MTPAP: variants seen among roughly 807,000 people sequenced by gnomAD.
MTPAP encodes the protein poly(A) RNA polymerase, mitochondrial.
Under a neutral mutation model 48.7 loss-of-function variants are expected in MTPAP, and 23 were observed. That is an observed-to-expected ratio of 0.47 (90% confidence interval 0.34 to 0.67). MTPAP has a LOEUF of 0.67. MTPAP is among the 30% of genes least tolerant of loss of function. The pLI is 0.01. For missense variants in MTPAP, 614 were observed against 694.3 expected (o/e 0.88, Z 1.30); for synonymous variants, 257 against 254.1 (o/e 1.01, Z -0.11).
At chr10:30,343,007 A>G (rs999292413) in intron 1 of MTPAP, among the ~76,000 whole-genome samples, 4 of 152,204 alleles carry the variant, frequency 2.6e-5, no homozygotes, top group Non-Finnish European at 4.4e-5. Flanking sequence ...TTCAAGTTCT[A>G]AGAGAGTATT....
intron 4 of MTPAP, among the ~76,000 whole-genome samples, chr10:30,328,077 A>G (rs1834620571): frequency 6.6e-6 from 1 of 152,222 alleles, no homozygotes; most frequent in African/African-American, 2.4e-5. Flanking sequence ...AACAAAGCAA[A>G]TAACACACAT....
intron 5 of MTPAP, among the ~76,000 whole-genome samples, chr10:30,323,009 A>G (rs1004434190): frequency 2.6e-5 from 4 of 151,360 alleles, no homozygotes; most frequent in Non-Finnish European, 5.9e-5. Flanking sequence ...TGCCCCCGTA[A>G]TCCCAGCTAC....
chr10:30,329,818 G>T (rs1391646001), intron 4 of MTPAP, among the ~76,000 whole-genome samples: 3 of 152,070 alleles, frequency 2.0e-5, no homozygotes, highest in Non-Finnish European at 1.5e-5. Context: ...AAGAGGACTG[G>T]TTAAATAAAT....
In MTPAP at chr10:30,310,716, AT is replaced by A. The variant is rs1840581302; in HGVS notation, c.*2892del. ...GGAATTCAAGACCAGCCTGGCCAAC[AT>A]GGTGAAACCCCGTCTCTACTAACAT... On this transcript the variant is annotated 3_prime_UTR_variant, in exon 9 of 9. Coordinates refer to ENST00000263063, the MANE Select transcript of MTPAP (RefSeq NM_018109.4). The A allele has an allele frequency of 6.6e-6, 1 of 152,192 alleles. No homozygotes were observed. The highest frequency in any genetic ancestry group is 1.5e-5 in the Non-Finnish European group (1 of 68,120). The allele number at this position is 152,192 out of a possible 1,614,324, so 9.4% of individuals were successfully genotyped here.
At chr10:30,339,508 G>T (rs1588720528) in intron 3 of MTPAP, among the ~76,000 whole-genome samples, 1 of 148,234 alleles carries the variant, frequency 6.7e-6, no homozygotes. Flanking sequence ...AAGAGAGAGA[G>T]AATCAGAAAG....
At chr10:30,331,909 C>G (rs977781495) in intron 4 of MTPAP, among the ~76,000 whole-genome samples, 1 of 152,186 alleles carries the variant, frequency 6.6e-6, no homozygotes, top group Non-Finnish European at 1.5e-5. Flanking sequence ...ATTTTAGTCC[C>G]TATCGTGCAT....
intron 3 of MTPAP, among the ~76,000 whole-genome samples, chr10:30,338,519 C>T (rs772286459): frequency 2.0e-5 from 3 of 151,768 alleles, no homozygotes; most frequent in Non-Finnish European, 4.4e-5. Context: ...ACTAAAAATA[C>T]AAAAAATTAG....
intron 1 of MTPAP, among the ~76,000 whole-genome samples, chr10:30,347,269 C>T (rs1834884433): frequency 6.6e-6 from 1 of 152,200 alleles, no homozygotes; most frequent in Non-Finnish European, 1.5e-5. Flanking sequence ...CCATTAGAGG[C>T]TGACCAAAAA....
Position 30,313,863 on chromosome 10 carries a change from C to G in MTPAP, c.1495G>C (p.Val499Leu). The G allele has an allele frequency of 6.2e-7, 1 of 1,614,184 alleles. No individual in the cohort carries two copies. Among genetic ancestry groups the G allele is most frequent in the Non-Finnish European group, 8.5e-7 (1 of 1,180,024 alleles). ...NVSQSQLQKF[V>L]DLARESAWIL... ...CAGGCACTTTCTCGGGCCAAATCTA[C>G]AAATTTTTGCAGCTGGCTTTGACTT... The change falls in exon 9 of 9, where the codon GTA (valine) becomes CTA (leucine). Residue 499 changes from valine (V) to leucine (L), a missense_variant. Physicochemically the swap from Val to Leu is conservative, Grantham distance 32. Coordinates refer to ENST00000263063, the MANE Select transcript of MTPAP (RefSeq NM_018109.4).
Position 30,316,032 on chromosome 10 carries a change from T to C in MTPAP, c.1317A>G (p.Leu439=). 6.2e-7 allele frequency: 1 copy of C among 1,611,720 alleles called. No individual in the cohort carries two copies. Among genetic ancestry groups the C allele is most frequent in the South Asian group, 1.1e-5 (1 of 90,902 alleles). Residue 439 remains leucine, a synonymous_variant, in exon 8 of 9, where the codon TTA becomes TTG. Transcript: ENST00000263063. ...KPSQNTETLE[L]LLKEFFEYFG... is the part of the protein sequence containing the mutation. ...AATACTCAAAAAATTCCTTCAGTAG[T>C]AATTCTGTAAGAAAATAAAACAAGG... is the stretch of plus-strand genomic sequence containing the variant.
In MTPAP at chr10:30,313,706, A is replaced by G. The variant is rs903457852; in HGVS notation, c.1652T>C (p.Ile551Thr). 3 of 1,614,030 alleles carry G rather than the reference A, an allele frequency of 1.9e-6. No individual in the cohort carries two copies. The highest frequency in any genetic ancestry group is 2.7e-5 in the African/African-American group (2 of 74,900). The change falls in exon 9 of 9, where the codon ATT (isoleucine) becomes ACT (threonine). Residue 551 changes from isoleucine (I) to threonine (T), a missense_variant. By Grantham distance (89) the Ile-to-Thr change is moderately conservative. Around this residue, in one of 5 missense-constraint regions of MTPAP, gnomAD observed 109 missense variants for 100.5 expected, o/e 1.08. Coordinates refer to ENST00000263063, the MANE Select transcript of MTPAP (RefSeq NM_018109.4). ...TTCTAGCAAGTTTTTGACTGTTTCA[A>G]TTGCAAACTTATTGCTTTTCTTCTT... The part of the protein sequence containing the change: ...FTKKKSNKFA[I>T]ETVKNLLESL...
chr10:30,317,143 T>G (rs564451823), intron 6 of MTPAP, among the ~76,000 whole-genome samples: 13 of 152,190 alleles, frequency 8.5e-5, no homozygotes, highest in Non-Finnish European at 1.5e-4. Context: ...GAAATTAACA[T>G]TACATTTAAT....
chr10:30,323,451 CAAAAAA>C (rs755342499), intron 5 of MTPAP, among the ~76,000 whole-genome samples: 3 of 84,724 alleles, frequency 3.5e-5, no homozygotes, highest in Admixed American at 1.5e-4. Flanking sequence ...GACCCTGCCT[CAAAAAA>C]AAAAAAAAAA....
In MTPAP at chr10:30,313,546, T is replaced by C. The variant is rs1332047752; in HGVS notation, c.*63A>G. 2 of 1,603,550 alleles carry C rather than the reference T, an allele frequency of 1.2e-6. No homozygotes were observed. The highest frequency in any genetic ancestry group is 1.3e-5 in the African/African-American group (1 of 74,702). ...TCTGTGAAAGTTTCAAATCAGTTTTTCCAAGTAAGTCCACAGACCATTTGA... is the reference window on the plus strand; with the variant it reads ...TCTGTGAAAGTTTCAAATCAGTTTTCCCAAGTAAGTCCACAGACCATTTGA... On this transcript the variant is annotated 3_prime_UTR_variant, in exon 9 of 9. Transcript: ENST00000263063.
chr10:30,342,393 G>A lies in MTPAP; in HGVS notation c.158-753C>T, dbSNP rs997703674. 4.6e-5 allele frequency among the ~76,000 whole-genome samples: 7 copies of A among 152,246 alleles called. No homozygotes were observed. The East Asian group carries it at 9.6e-4, about 21-fold the overall frequency. On this transcript the variant is annotated intron_variant, in intron 1 of 8. Coordinates refer to ENST00000263063, the MANE Select transcript of MTPAP (RefSeq NM_018109.4). ...GGACCACAGTTGACTGTGAGGAACC[G>A]AAACTGTGGACAGTGAAAACATGGA... is the stretch of plus-strand genomic sequence containing the variant.
chr10:30,338,975 T>C (rs1474778393), intron 3 of MTPAP, among the ~76,000 whole-genome samples: 3 of 151,630 alleles, frequency 2.0e-5, no homozygotes, highest in Non-Finnish European at 4.4e-5. Context: ...TACAAAAAAT[T>C]AGCCGGGCAT....
In MTPAP at chr10:30,322,592, G is replaced by A. The variant is rs762379361; in HGVS notation, c.1018C>T (p.Leu340Phe). 4 of 1,613,502 alleles carry A rather than the reference G, an allele frequency of 2.5e-6. No homozygotes were observed. The highest frequency in any genetic ancestry group is 2.2e-5 in the South Asian group (2 of 91,058). Residue 340 changes from leucine to phenylalanine, a missense_variant, in exon 6 of 9, where the codon CTT becomes TTT. Coordinates refer to ENST00000263063, the MANE Select transcript of MTPAP (RefSeq NM_018109.4). ...NRIALTSSELLYIYGALDSRV... is the reference protein window; with the variant it reads ...NRIALTSSELFYIYGALDSRV... ...GAGTCTAGGGCACCATATATATAAA[G>A]GAGTTCGGAACTTGTCAAGGCAATC... is the stretch of plus-strand genomic sequence containing the variant.
At chr10:30,348,997 G>C (rs762635787) in intron 1 of MTPAP, 122 bp downstream of exon 1, 11 of 1,445,904 alleles carry the variant, frequency 7.6e-6, no homozygotes, top group Non-Finnish European at 1.1e-5. Context: ...GAGAGGACAG[G>C]ACACAGCCCC....
intron 8 of MTPAP, 138 bp from the exon 9 acceptor site, chr10:30,314,109 G>T: frequency 9.5e-7 from 1 of 1,054,464 alleles, no homozygotes; most frequent in Non-Finnish European, 1.4e-6. Context: ...TTTCTCAGGG[G>T]ATTGAGTATG....
Sources: allele counts gnomAD v4.1 joint callset (sites outside exome capture counted in the v4.1 genomes callset), GRCh38; gene constraint gnomAD v4.1.1; regional missense constraint gnomAD v4.1.1; transcripts MANE v1.5; gene names NCBI Gene and HGNC (gene_info 2026-07-23, HGNC 2026-07-21).